Variants in AMBN observed in about 807,000 individuals in gnomAD.
AMBN encodes ameloblastin.
In AMBN, 54 loss-of-function variants were observed where a neutral mutation model predicts 48.0. The observed-to-expected ratio is 1.12, with a 90% CI of 0.90 to 1.41. The LOEUF (loss-of-function observed/expected upper bound fraction) is 1.41, where lower values mean the gene tolerates loss of function less well. AMBN is among the 40% of genes most tolerant of loss of function. The pLI is 0.00. For missense variants in AMBN, 571 were observed against 547.3 expected (o/e 1.04, Z -0.43); for synonymous variants, 186 against 190.0 (o/e 0.98, Z 0.17).
Position 70,603,959 on chromosome 4 carries a change from C to T in AMBN, c.798+38C>T, listed in dbSNP as rs753667279. The T allele has an allele frequency of 1.2e-4, 190 of 1,596,532 alleles. 4 individuals are homozygous for T. The South Asian group carries it at 2.1e-3, about 17-fold the overall frequency. ...TTCTAACTCTTCTTAAAATAGTGGC[C>T]AGGGAAGAACAGTCACTTATGACTG... On this transcript the variant is annotated intron_variant, in intron 12 of 12. Transcript: ENST00000322937.
chr4:70,593,311 C>G lies in AMBN; in HGVS notation c.16-16C>G. 6.3e-7 allele frequency: 1 copy of G among 1,579,692 alleles called. No homozygotes were observed. On this transcript the variant is annotated splice_polypyrimidine_tract_variant and intron_variant, in intron 1 of 12. Coordinates refer to ENST00000322937, the MANE Select transcript of AMBN (RefSeq NM_016519.6). ...AAATTCATCTGATTTAATTCTCCAA[C>G]TTAATTATGTTTTAGATTCCACTTT...
At chr4:70,596,284 A>G (rs1737384064) in intron 2 of AMBN, among the ~76,000 whole-genome samples, 1 of 151,908 alleles carries the variant, frequency 6.6e-6, no homozygotes, top group African/African-American at 2.4e-5. Context: ...AGTCTCAAAA[A>G]AAAAAAAAAA....
chr4:70,595,927 A>C (rs1737374484), intron 2 of AMBN, among the ~76,000 whole-genome samples: 1 of 152,202 alleles, frequency 6.6e-6, no homozygotes, highest in Non-Finnish European at 1.5e-5. Context: ...AGGCCAAGGC[A>C]GGAGGATTAC....
Position 70,592,322 on chromosome 4 carries a change from T to C in AMBN, c.-37T>C, listed in dbSNP as rs762075115. On this transcript the variant is annotated 5_prime_UTR_variant, in exon 1 of 13. Coordinates refer to ENST00000322937, the MANE Select transcript of AMBN (RefSeq NM_016519.6). ...TTTTAATCTTCTTTTCTTAGAACTATCTTGGTTGGCATCATCAGGCCCTGA... is the reference window on the plus strand; with the variant it reads ...TTTTAATCTTCTTTTCTTAGAACTACCTTGGTTGGCATCATCAGGCCCTGA... The C allele has an allele frequency of 2.0e-5, 33 of 1,613,136 alleles. No homozygotes were observed. In the African/African-American group the frequency reaches 3.9e-4, roughly 19 times the overall value.
At chr4:70,597,784 T>C (rs528719388) in intron 3 of AMBN, among the ~76,000 whole-genome samples, 1 of 152,192 alleles carries the variant, frequency 6.6e-6, no homozygotes, top group Non-Finnish European at 1.5e-5. Flanking sequence ...TTAAACTCAA[T>C]CCAAAGCATT....
intron 12 of AMBN, among the ~76,000 whole-genome samples, chr4:70,605,152 C>T (rs1447019228): frequency 6.6e-6 from 1 of 151,976 alleles, no homozygotes; most frequent in East Asian, 1.9e-4. Context: ...TAGCCCAGTC[C>T]AGGGATTCAC....
At chr4:70,604,797 A>G (rs1737604492) in intron 12 of AMBN, among the ~76,000 whole-genome samples, 1 of 152,150 alleles carries the variant, frequency 6.6e-6, no homozygotes. Context: ...GTTTGAGACC[A>G]GCCTGGCCAA....
At chr4:70,602,695 A>G (rs915262465) in intron 7 of AMBN, 33 bp downstream of exon 7, 3 of 1,530,302 alleles carry the variant, frequency 2.0e-6, no homozygotes, top group Admixed American at 2.0e-5. Flanking sequence ...CACTTTCTGT[A>G]TTTTATTTTT....
chr4:70,600,427 G>T (rs1316493768), intron 5 of AMBN, among the ~76,000 whole-genome samples: 1 of 152,116 alleles, frequency 6.6e-6, no homozygotes, highest in Non-Finnish European at 1.5e-5. Flanking sequence ...ACCAAATTGT[G>T]GTTTGGTAGT....
At chr4:70,603,347 GT>G (rs768705381) in intron 10 of AMBN, 28 bp downstream of exon 10, 1 of 1,612,682 alleles carries the variant, frequency 6.2e-7, no homozygotes, top group Non-Finnish European at 8.5e-7. Flanking sequence ...CCACATCTCT[GT>G]TTGCAATTTA....
In AMBN at chr4:70,593,385, T is replaced by A; in HGVS notation, c.74T>A (p.Phe25Tyr). ...ATCCTATGCCTCCTGGAAATGAGTT[T>A]TGCAGTGCCGGTAAGTCAGTCTTTA... Reference protein sequence around the residue: ...ILILCLLEMSFAVPFFPQQSG... With the variant: ...ILILCLLEMSYAVPFFPQQSG... The change falls in exon 2 of 13, where the codon TTT becomes TAT. Residue 25 changes from phenylalanine (F) to tyrosine (Y), a missense_variant. Coordinates refer to ENST00000322937, the MANE Select transcript of AMBN (RefSeq NM_016519.6). 1 of 1,612,432 alleles carries A rather than the reference T, an allele frequency of 6.2e-7. No homozygotes were observed. Among genetic ancestry groups the A allele is most frequent in the Non-Finnish European group, 8.5e-7 (1 of 1,178,654 alleles).
At chr4:70,602,449 T>C (rs1737538762) in intron 6 of AMBN, among the ~76,000 whole-genome samples, 175 bp from the exon 7 acceptor site, 1 of 152,156 alleles carries the variant, frequency 6.6e-6, no homozygotes, top group African/African-American at 2.4e-5. Context: ...GGGTCATACC[T>C]CCCAAAACAC....
chr4:70,606,871 G>A lies in AMBN; in HGVS notation c.*141G>A. ...TAAGCATATATTAATAAATGCAAGT[G>A]GCTAGAAATAGTGTAGGTCCCCTTC... On this transcript the variant is annotated 3_prime_UTR_variant, in exon 13 of 13. Coordinates refer to ENST00000322937, the MANE Select transcript of AMBN (RefSeq NM_016519.6). 1.1e-6 allele frequency: 1 copy of A among 927,344 alleles called. No individual in the cohort carries two copies. Among genetic ancestry groups the A allele is most frequent in the East Asian group, 2.7e-5 (1 of 37,510 alleles). The allele number at this position is 927,344 out of a possible 1,614,324, so 57.4% of individuals were successfully genotyped here.
At chr4:70,593,863 TAAA>T (rs5859239) in intron 2 of AMBN, among the ~76,000 whole-genome samples, 19 of 138,246 alleles carry the variant, frequency 1.4e-4, no homozygotes, top group Non-Finnish European at 1.4e-4. Flanking sequence ...AGACTCCATT[TAAA>T]AAAAAAAAAA....
At chr4:70,604,829 C>T (rs1432826614) in intron 12 of AMBN, among the ~76,000 whole-genome samples, 1 of 151,978 alleles carries the variant, frequency 6.6e-6, no homozygotes, top group African/African-American at 2.4e-5. Context: ...CCCGTCTCCA[C>T]TAAAAATACA....
chr4:70,602,861 C>T (rs1011101687), intron 8 of AMBN, 25 bp downstream of exon 8: 28 of 1,563,160 alleles, frequency 1.8e-5, no homozygotes, highest in Non-Finnish European at 2.2e-5. Flanking sequence ...CAGTGAGACA[C>T]TTCTATTTTT....
chr4:70,592,646 G>T (rs1737299764), intron 1 of AMBN, among the ~76,000 whole-genome samples: 1 of 151,586 alleles, frequency 6.6e-6, no homozygotes, highest in Non-Finnish European at 1.5e-5. Flanking sequence ...TAAATTTCTA[G>T]GCTATTCAGA....
intron 2 of AMBN, among the ~76,000 whole-genome samples, chr4:70,594,493 G>T (rs1473606767): frequency 6.6e-6 from 1 of 152,202 alleles, no homozygotes; most frequent in African/African-American, 2.4e-5. Flanking sequence ...CTCACAGTTG[G>T]CCTCAAATGA....
Position 70,606,419 on chromosome 4 carries a change from C to T in AMBN, c.1033C>T (p.Leu345=). Residue 345 remains leucine (L), a synonymous_variant, in exon 13 of 13, where the codon CTA becomes TTA. Transcript: ENST00000322937. ...NLENPAFLTE[L]EPAPHAGLLA... is the part of the protein sequence containing the mutation. ...AGAAAACCCAGCTTTCCTTACAGAG[C>T]TAGAACCTGCTCCCCACGCAGGGCT... The T allele has an allele frequency of 6.2e-7, 1 of 1,614,004 alleles. No homozygotes were observed. Among genetic ancestry groups the T allele is most frequent in the Non-Finnish European group, 8.5e-7 (1 of 1,179,982 alleles).
Sources: gnomAD v4.1 joint callset for allele counts (sites outside exome capture counted in the v4.1 genomes callset) on GRCh38, gnomAD v4.1.1 for gene constraint, MANE v1.5 for transcripts, NCBI Gene and HGNC (gene_info 2026-07-23, HGNC 2026-07-21) for gene names.